The following NAALADL1 variants were observed in gnomAD, a reference collection of about 807,000 sequenced individuals.
NAALADL1 encodes aminopeptidase NAALADL1.
In NAALADL1, 77 loss-of-function variants were observed where a neutral mutation model predicts 82.8. The ratio of observed to expected loss-of-function variants is 0.93; its 90% confidence interval spans 0.77 to 1.12. The LOEUF (loss-of-function observed/expected upper bound fraction) is 1.12. Among genes scored for constraint, NAALADL1 ranks in the 50% most tolerant of loss-of-function variants. NAALADL1 has a pLI of 0.00. For missense variants in NAALADL1, 956 were observed against 964.0 expected, an observed-to-expected ratio of 0.99 and a Z score of 0.11; for synonymous variants, 358 against 399.2, an observed-to-expected ratio of 0.90 and a Z score of 1.23.
chr11:65,052,910 C>T (rs1946926602), intron 8 of NAALADL1, among the ~76,000 whole-genome samples: 1 of 152,264 alleles, frequency 6.6e-6, no homozygotes, highest in South Asian at 2.1e-4. Context: ...AATCGGCTGC[C>T]GTCCCTGACC....
In NAALADL1 at chr11:65,054,218, A is replaced by G. The variant is rs1946970395; in HGVS notation, c.992+32T>C. On this transcript the variant is annotated intron_variant, in intron 6 of 17. Transcript: ENST00000358658. The surrounding 1 kb of genome is among the most constrained non-coding windows in gnomAD (Gnocchi z 4.3). ...GAGAGGCGAGTTGGGGGAGAGGGCA[A>G]CTGAGGGAGACCTGGTCTGGCTGCA... 3 of 1,586,862 alleles carry G rather than the reference A, an allele frequency of 1.9e-6. No homozygotes were observed. The highest frequency in any genetic ancestry group is 2.2e-5 in the East Asian group (1 of 44,694).
At position 65,047,660 on chromosome 11, in the gene NAALADL1, C is replaced by G. The variant is rs745900401; in HGVS notation, c.1495G>C (p.Gly499Arg). The G allele has an allele frequency of 1.9e-6, 3 of 1,605,760 alleles. No individual in the cohort carries two copies. The highest frequency in any genetic ancestry group is 2.5e-6 in the Non-Finnish European group (3 of 1,177,074). The change falls in exon 12 of 18, where the codon GGC becomes CGC. Residue 499 changes from glycine (G) to arginine (R), a missense_variant. Gly to Arg is a moderately radical substitution (Grantham distance 125). Coordinates refer to ENST00000358658, the MANE Select transcript of NAALADL1 (RefSeq NM_005468.3). ...CCCTGGGCTTACCTGGGGACCAGGC[C>G]GTACACCGGGCTGCTGCGGTTGAAG... ...RYFNRSSPVY[G>R]LVPSLGSLGA...
rs1436634680 is a variant in NAALADL1 at position 65,057,248 on chromosome 11, A to G, written c.603+123T>C. On this transcript the variant is annotated intron_variant, in intron 4 of 17. Transcript: ENST00000358658. ...GAAAACACCTTGCCTTTCCTGCCCC[A>G]CCCTGGGGCTTGGTTCCCCACTCAA... The G allele has an allele frequency of 5.6e-6, 8 of 1,424,282 alleles. No homozygotes were observed. The East Asian group carries it at 1.9e-4, about 35-fold the overall frequency. The allele number at this position is 1,424,282 out of a possible 1,614,324, so 88.2% of individuals were successfully genotyped here. A position where few individuals can be genotyped will look rare whatever the true frequency, so the allele number is the denominator to read the frequency against.
intron 8 of NAALADL1, among the ~76,000 whole-genome samples, chr11:65,051,315 C>CTTTTTTTTTTTTTTTTTTTT (rs10535126): frequency 1.7e-5 from 1 of 59,572 alleles, no homozygotes; most frequent in African/African-American, 6.4e-5. Flanking sequence ...TTCTTTCTTT[C>CTTTTTTTTTTTTTTTTTTTT]TTTTTTTTTT....
At chr11:65,045,547 G>A (rs760242825) in intron 17 of NAALADL1, 90 bp from the exon 18 acceptor site, 9 of 1,347,862 alleles carry the variant, frequency 6.7e-6, no homozygotes, top group African/African-American at 4.4e-5. Context: ...GCTCCTGTAC[G>A]CAGCGAGGCA....
intron 16 of NAALADL1, 22 bp downstream of exon 16, chr11:65,046,005 C>A (rs1490638064): frequency 3.1e-6 from 5 of 1,612,542 alleles, no homozygotes; most frequent in Non-Finnish European, 4.2e-6. Flanking sequence ...CCTCCCAGCC[C>A]CTGCCCGCTG....
chr11:65,058,420 T>C lies in NAALADL1; in HGVS notation c.102A>G (p.Ser34=). Residue 34 remains serine, a synonymous_variant, in exon 1 of 18, where the codon TCA becomes TCG. Coordinates refer to ENST00000358658, the MANE Select transcript of NAALADL1 (RefSeq NM_005468.3). The part of the protein sequence containing the change: ...GHFAIPKKAN[S]LAPQDLDLEI... ...CCAGGTCCAGGTCCTGGGGGGCCAG[T>C]GAGTTGGCTTTTTTGGGGATGGCAA... is the stretch of plus-strand genomic sequence containing the variant. 1 of 1,614,054 alleles carries C rather than the reference T, an allele frequency of 6.2e-7. No homozygotes were observed. Among genetic ancestry groups the C allele is most frequent in the South Asian group, 1.1e-5 (1 of 91,064 alleles).
At chr11:65,056,322 G>A (rs1054569760) in intron 4 of NAALADL1, among the ~76,000 whole-genome samples, 6 of 152,082 alleles carry the variant, frequency 3.9e-5, no homozygotes, top group African/African-American at 1.2e-4. Context: ...TGACAAATCC[G>A]AAACTCGGTC....
chr11:65,049,812 G>C (rs1946837367), intron 8 of NAALADL1, among the ~76,000 whole-genome samples: 1 of 152,170 alleles, frequency 6.6e-6, no homozygotes, highest in African/African-American at 2.4e-5. Context: ...GGTCGAGCAA[G>C]CAGTGAGCTG....
Position 65,048,319 on chromosome 11 carries a change from C to G in NAALADL1, c.1265G>C (p.Gly422Ala). 3 of 1,614,174 alleles carry G rather than the reference C, an allele frequency of 1.9e-6. No individual in the cohort carries two copies. The highest frequency in any genetic ancestry group is 2.5e-6 in the Non-Finnish European group (3 of 1,180,032). Residue 422 changes from glycine (G) to alanine (A), a missense_variant, in exon 9 of 18, where the codon GGC (glycine) becomes GCC (alanine). By Grantham distance (60) the Gly-to-Ala change is moderately conservative. Coordinates refer to ENST00000358658, the MANE Select transcript of NAALADL1 (RefSeq NM_005468.3). ...ACTCACTTCTGTGAATTCCGTGGAG[C>G]CAATGAGCCCAAACTCCTCAGCCCC... ...SWGAEEFGLI[G>A]STEFTEEFFN... is the part of the protein sequence containing the mutation.
intron 8 of NAALADL1, among the ~76,000 whole-genome samples, chr11:65,050,205 G>A (rs764370428): frequency 2.6e-5 from 4 of 151,946 alleles, no homozygotes; most frequent in Non-Finnish European, 2.9e-5. Flanking sequence ...GGGGGCTGGC[G>A]CGGTGACTCA....
intron 8 of NAALADL1, among the ~76,000 whole-genome samples, chr11:65,048,940 G>T (rs1946814401): frequency 6.6e-6 from 1 of 152,184 alleles, no homozygotes; most frequent in Admixed American, 6.5e-5. Flanking sequence ...AAGCCAGGTT[G>T]CAGGATGCTC....
At position 65,045,178 on chromosome 11, in the gene NAALADL1, C is replaced by T. The variant is rs768018999; in HGVS notation, c.*93G>A. On this transcript the variant is annotated 3_prime_UTR_variant, in exon 18 of 18. Transcript: ENST00000358658. ...AGCTTGAGAGGGTCCTGTGGTAGTG[C>T]CCTCTTCTGGCACCAAGGAAGACCA... The T allele has an allele frequency of 7.2e-6, 10 of 1,395,706 alleles. No individual in the cohort carries two copies. Among genetic ancestry groups the T allele is most frequent in the African/African-American group, 1.4e-5 (1 of 69,726 alleles). 86.5% of individuals were successfully genotyped at this position (1,395,706 alleles called of 1,614,324 possible).
chr11:65,047,969 G>A lies in NAALADL1; in HGVS notation c.1416+12C>T. ...CAGCTAGTTCAGCCCCGCCCGGCCT[G>A]CCCCCTTCCACCTCTTTGGTTGCAG... On this transcript the variant is annotated intron_variant, in intron 11 of 17. Transcript: ENST00000358658. 6.5e-7 allele frequency: 1 copy of A among 1,538,692 alleles called. No individual in the cohort carries two copies. Among genetic ancestry groups the A allele is most frequent in the African/African-American group, 1.4e-5 (1 of 70,838 alleles).
chr11:65,060,698 CTGGTGTCTACA>C (rs974466323), upstream of NAALADL1, among the ~76,000 whole-genome samples: 2 of 152,212 alleles, frequency 1.3e-5, no homozygotes, highest in Admixed American at 1.3e-4. Flanking sequence ...TTGGAATCCA[CTGGTGTCTACA>C]TGGCTGTAGG....
chr11:65,054,077 G>T lies in NAALADL1; in HGVS notation c.992+173C>A, dbSNP rs890774820. 5.3e-5 allele frequency among the ~76,000 whole-genome samples: 8 copies of T among 152,164 alleles called. No individual in the cohort carries two copies. Among genetic ancestry groups the T allele is most frequent in the African/African-American group, 1.9e-4 (8 of 41,422 alleles). On this transcript the variant is annotated intron_variant, in intron 6 of 17. Transcript: ENST00000358658. This position sits in a 1 kb window ranked among gnomAD's most constrained non-coding sequence, Gnocchi z 4.3. ...CAGGAAACAGCAGCAGCTGTTTCAC[G>T]GGCTTCCCCAAAAACAAGACATATT...
intron 11 of NAALADL1, 71 bp downstream of exon 11, chr11:65,047,910 C>T: frequency 1.5e-6 from 2 of 1,358,298 alleles, no homozygotes; most frequent in Middle Eastern, 2.6e-4. Context: ...CCCGCCCACC[C>T]GTAGCGGCCC....
chr11:65,052,503 G>A (rs1054015032), intron 8 of NAALADL1, among the ~76,000 whole-genome samples: 28 of 152,050 alleles, frequency 1.8e-4, no homozygotes, highest in Admixed American at 6.5e-5. Context: ...TAGTAGAGAC[G>A]GGGTTTCACC....
chr11:65,055,665 G>T (rs1947018542), intron 4 of NAALADL1, among the ~76,000 whole-genome samples: 2 of 152,130 alleles, frequency 1.3e-5, no homozygotes, highest in Non-Finnish European at 2.9e-5. Flanking sequence ...AATAGGGGCT[G>T]GGGCAGGGAC....
Sources: gnomAD v4.1 joint callset for allele counts (sites outside exome capture counted in the v4.1 genomes callset) on GRCh38, gnomAD v4.1.1 for gene constraint, Gnocchi (gnomAD v3.1) non-coding constraint, MANE v1.5 for transcripts, NCBI Gene and HGNC (gene_info 2026-07-23, HGNC 2026-07-21) for gene names.